The following NEBL variants were observed in gnomAD, a reference collection of about 807,000 sequenced individuals.
NEBL encodes LIM and SH3 protein 2.
NEBL carries 122 observed loss-of-function variants against 140.2 expected under a neutral mutation model. The observed-to-expected ratio is 0.87, with a 90% CI of 0.75 to 1.01. The LOEUF is 1.01. Ranked by LOEUF, NEBL falls within the 50% of genes least tolerant of loss-of-function variation. NEBL has a pLI of 0.00. For missense variants in NEBL, 1,365 were observed against 1,231.3 expected (o/e 1.11, Z -1.62); for synonymous variants, 436 against 398.9 (o/e 1.09, Z -1.11).
At chr10:21,102,080 T>C (rs894145985) in intron 2 of NEBL, among the ~76,000 whole-genome samples, 1 of 152,204 alleles carries the variant, frequency 6.6e-6, no homozygotes, top group Admixed American at 6.5e-5. Flanking sequence ...GAACAATTCA[T>C]TTTACTTCTC....
intron 1 of NEBL, among the ~76,000 whole-genome samples, chr10:21,284,003 GC>G (rs1418959054): frequency 5.2e-5 from 7 of 133,870 alleles, no homozygotes; most frequent in African/African-American, 2.0e-4. Flanking sequence ...TTCGAGACCA[GC>G]CTGGTTCAAC....
intron 4 of NEBL, among the ~76,000 whole-genome samples, chr10:20,932,166 T>C (rs888870282): frequency 6.6e-6 from 1 of 152,184 alleles, no homozygotes; most frequent in African/African-American, 2.4e-5. Context: ...CAAACCACCA[T>C]ATCGTACCTG....
chr10:21,003,178 T>C (rs1339587424), intron 3 of NEBL, among the ~76,000 whole-genome samples: 1 of 152,140 alleles, frequency 6.6e-6, no homozygotes, highest in Non-Finnish European at 1.5e-5. Context: ...AGACCACAGC[T>C]CTTCTGCAGT....
intron 14 of NEBL, among the ~76,000 whole-genome samples, chr10:20,834,143 A>G (rs1313616562): frequency 6.6e-6 from 1 of 152,316 alleles, no homozygotes; most frequent in Non-Finnish European, 1.5e-5. Flanking sequence ...GTAGACCTAT[A>G]TGAAGGAACA....
chr10:20,932,958 C>T (rs936070750), intron 4 of NEBL, among the ~76,000 whole-genome samples: 15 of 152,146 alleles, frequency 9.9e-5, no homozygotes, highest in Admixed American at 9.8e-4. Context: ...TGTACAAATG[C>T]TTGCATGCAG....
intron 9 of NEBL, among the ~76,000 whole-genome samples, chr10:20,855,651 A>G (rs886295124): frequency 4.6e-5 from 7 of 152,180 alleles, no homozygotes; most frequent in African/African-American, 1.4e-4. Context: ...CACAAAATAT[A>G]TATTTCTTAA....
intron 3 of NEBL, among the ~76,000 whole-genome samples, chr10:20,975,744 C>T (rs924163540): frequency 3.9e-5 from 6 of 152,210 alleles, no homozygotes; most frequent in Admixed American, 1.3e-4. Context: ...TAACCATTCA[C>T]GAGGTAACTA....
rs145224776 is a variant in NEBL at position 21,003,683 on chromosome 10, T to C, written c.249+16434A>G. On this transcript the variant is annotated intron_variant, in intron 3 of 6. Coordinates refer to the NEBL transcript ENST00000417816. Reference sequence around the variant, plus strand: ...CACATCCTGCTGTGAAGCTAAAAGGTTCTCAGGCAGGATCTTTCTAATCAG... The same window carrying C: ...CACATCCTGCTGTGAAGCTAAAAGGCTCTCAGGCAGGATCTTTCTAATCAG... Among the ~76,000 whole-genome samples, 404 of 152,216 alleles carry C rather than the reference T, an allele frequency of 2.7e-3. 1 individual carries two copies. Among genetic ancestry groups the C allele is most frequent in the South Asian group, 4.6e-3 (22 of 4,824 alleles).
chr10:20,830,773 C>G (rs1341954868), intron 16 of NEBL, among the ~76,000 whole-genome samples: 1 of 151,130 alleles, frequency 6.6e-6, no homozygotes, highest in East Asian at 1.9e-4. Context: ...TTAAAATATC[C>G]TTGGGCTGGG....
chr10:20,850,170 C>G (rs1291035403), intron 11 of NEBL, among the ~76,000 whole-genome samples: 1 of 152,234 alleles, frequency 6.6e-6, no homozygotes, highest in East Asian at 1.9e-4. Context: ...TTTAAAAGCT[C>G]ATCTAGCTTG....
At chr10:20,936,021 T>C (rs1327834071) in intron 4 of NEBL, among the ~76,000 whole-genome samples, 2 of 152,176 alleles carry the variant, frequency 1.3e-5, no homozygotes, top group Non-Finnish European at 2.9e-5. Context: ...CTGTTGCAAA[T>C]GGCAATAAAT....
intron 26 of NEBL, among the ~76,000 whole-genome samples, chr10:20,800,776 A>C (rs1837045350): frequency 6.6e-6 from 1 of 152,134 alleles, no homozygotes; most frequent in Admixed American, 6.6e-5. Flanking sequence ...ACCACTGAGA[A>C]GGTCTCTTGA....
intron 1 of NEBL, among the ~76,000 whole-genome samples, chr10:21,265,781 A>C (rs1289783596): frequency 1.3e-5 from 2 of 152,100 alleles, no homozygotes; most frequent in African/African-American, 4.8e-5. Context: ...CAACTACTCA[A>C]CTCTACCACT....
chr10:21,100,028 C>T (rs1035495854), intron 2 of NEBL, among the ~76,000 whole-genome samples: 2 of 152,166 alleles, frequency 1.3e-5, no homozygotes, highest in South Asian at 2.1e-4. Context: ...CTTAAAAACA[C>T]GCCCAATAAC....
At chr10:21,172,102 A>G in intron 2 of NEBL, 1 of 434,364 alleles carries the variant, frequency 2.3e-6, no homozygotes, top group Middle Eastern at 6.8e-4. Context: ...TCAGTGGGGA[A>G]GTTCAGCAGC....
intron 2 of NEBL, among the ~76,000 whole-genome samples, chr10:21,075,357 T>C (rs550326080): frequency 2.0e-5 from 3 of 152,226 alleles, no homozygotes; most frequent in East Asian, 3.9e-4. Context: ...TTGCTGATAA[T>C]GGGAGAAGCT....
At chr10:21,022,918 G>T (rs1299250008) in intron 2 of NEBL, among the ~76,000 whole-genome samples, 3 of 152,150 alleles carry the variant, frequency 2.0e-5, no homozygotes, top group Non-Finnish European at 2.9e-5. Flanking sequence ...AGCAGGTAAG[G>T]TCTTTTGCTC....
At chr10:21,090,912 G>A (rs560859883) in intron 2 of NEBL, among the ~76,000 whole-genome samples, 9 of 152,116 alleles carry the variant, frequency 5.9e-5, no homozygotes, top group South Asian at 2.1e-4. Flanking sequence ...AGACACTTCC[G>A]GCTCAACAAG....
intron 2 of NEBL, among the ~76,000 whole-genome samples, chr10:21,090,387 TACA>T (rs993276791): frequency 1.3e-5 from 2 of 152,184 alleles, no homozygotes; most frequent in African/African-American, 4.8e-5. Flanking sequence ...CCATAAACAA[TACA>T]ACAACTATTT....
Sources: gnomAD v4.1 joint callset for allele counts (sites outside exome capture counted in the v4.1 genomes callset) on GRCh38, gnomAD v4.1.1 for gene constraint, MANE v1.5 for transcripts, NCBI Gene and HGNC (gene_info 2026-07-23, HGNC 2026-07-21) for gene names.